Variants in FARSA observed in about 807,000 individuals in gnomAD.
FARSA encodes the protein phenylalanine--tRNA ligase alpha subunit.
A neutral mutation model predicts 63.2 loss-of-function variants in FARSA; 37 were observed. That is an observed-to-expected ratio of 0.59 (90% CI 0.45 to 0.77). The LOEUF (loss-of-function observed/expected upper bound fraction) is 0.77, where lower values mean the gene tolerates loss of function less well. Among genes scored for constraint, FARSA ranks in the 30% least tolerant of loss-of-function variants. FARSA has a pLI of 0.00. For missense variants in FARSA, 618 were observed against 696.6 expected (o/e 0.89, Z 1.27); for synonymous variants, 312 against 285.1 (o/e 1.09, Z -0.95).
At chr19:12,930,407 T>G in intron 3 of FARSA, 22 bp downstream of exon 3, 1 of 1,613,248 alleles carries the variant, frequency 6.2e-7, no homozygotes, top group East Asian at 2.2e-5. Context: ...ACCTGCCCCC[T>G]GACCAGCCCG....
Position 12,922,875 on chromosome 19 carries a change from A to G in FARSA, c.1400T>C (p.Ile467Thr). 6.2e-7 allele frequency: 1 copy of G among 1,614,022 alleles called. No homozygotes were observed. The highest frequency in any genetic ancestry group is 1.1e-5 in the South Asian group (1 of 91,078). ...CCGGATATTGTTGATGCCATATTTG[A>G]TCATCGTTGGGCTTGTGGGGGAGGG... ...WGLSLERPTM[I>T]KYGINNIREL... is the part of the protein sequence containing the mutation. Residue 467 changes from isoleucine (I) to threonine (T), a missense_variant, in exon 13 of 13, where the codon ATC (isoleucine) becomes ACC (threonine). Coordinates refer to ENST00000314606, the MANE Select transcript of FARSA (RefSeq NM_004461.3).
At chr19:12,929,055 A>G (rs951707133) in intron 4 of FARSA, among the ~76,000 whole-genome samples, 1 of 152,160 alleles carries the variant, frequency 6.6e-6, no homozygotes, top group Non-Finnish European at 1.5e-5. Context: ...CTTACTGAGA[A>G]CCTAATGTGT....
rs1446239610 is a variant in FARSA at position 12,927,237 on chromosome 19, C to T, written c.841+1105G>A. Among the ~76,000 whole-genome samples the T allele has an allele frequency of 4.6e-5, 7 of 152,326 alleles. No homozygotes were observed. In the East Asian group the frequency reaches 1.4e-3, roughly 29 times the overall value. On this transcript the variant is annotated intron_variant, in intron 7 of 12. Coordinates refer to ENST00000314606, the MANE Select transcript of FARSA (RefSeq NM_004461.3). ...CCTGCCTTGAAGATCTGGGAGAAAA[C>T]AGCTCTTGGCTAAAGACGGAACATA...
intron 7 of FARSA, 120 bp from the exon 8 acceptor site, chr19:12,925,294 C>A: frequency 1.4e-6 from 1 of 727,782 alleles, no homozygotes; most frequent in South Asian, 1.8e-5. Context: ...GGGCTTACTG[C>A]AACCTCTGCC....
At position 12,928,442 on chromosome 19, in the gene FARSA, C is replaced by A. The variant is rs780265605; in HGVS notation, c.741G>T (p.Pro247=). The A allele has an allele frequency of 3.1e-6, 5 of 1,614,058 alleles. No individual in the cohort carries two copies. The highest frequency in any genetic ancestry group is 3.3e-5 in the Admixed American group (2 of 60,020). The change falls in exon 7 of 13, where the codon CCG becomes CCT. Residue 247 remains proline, a synonymous_variant. Coordinates refer to ENST00000314606, the MANE Select transcript of FARSA (RefSeq NM_004461.3). ...IFLEMGFTEM[P]TDNFIESSFW... is the part of the protein sequence containing the mutation. ...AGGAGCTCTCAATGAAGTTATCAGT[C>A]GGCATCTCGGTGAACCTGGTGGGAG... is the stretch of plus-strand genomic sequence containing the variant.
rs1276631488 is a variant in FARSA at position 12,924,898 on chromosome 19, C to T, written c.1026+6G>A. 2 of 1,614,232 alleles carry T rather than the reference C, an allele frequency of 1.2e-6. No homozygotes were observed. The highest frequency in any genetic ancestry group is 3.3e-5 in the Admixed American group (2 of 60,024). On this transcript the variant is annotated splice_donor_region_variant and intron_variant, in intron 9 of 12. Transcript: ENST00000314606. The surrounding 1 kb of genome is among the most constrained non-coding windows in gnomAD (Gnocchi z 6.4). ...CCACTGGGGCCCCCGCCTGGGCCAA[C>T]CGCACCTTCTGGGCAAGGCGGTAGA...
chr19:12,933,527 C>A, intron 1 of FARSA, 23 bp downstream of exon 1: 1 of 1,537,380 alleles, frequency 6.5e-7, no homozygotes, highest in South Asian at 1.2e-5. Flanking sequence ...GCAAGGCGGT[C>A]CGGCATCACG....
intron 1 of FARSA, among the ~76,000 whole-genome samples, chr19:12,931,947 T>A (rs1971401643): frequency 6.6e-6 from 1 of 152,148 alleles, no homozygotes; most frequent in Non-Finnish European, 1.5e-5. Context: ...AAAGGTGTGA[T>A]GGGTTCTACC....
At chr19:12,933,102 A>AC (rs756780138) in intron 1 of FARSA, 122 of 172,742 alleles carry the variant, frequency 7.1e-4, no homozygotes, top group Non-Finnish European at 1.4e-3. Context: ...GCCATCCCCC[A>AC]AGATCCCGGC....
chr19:12,926,800 C>G (rs1971332558), intron 7 of FARSA, among the ~76,000 whole-genome samples: 2 of 152,256 alleles, frequency 1.3e-5, no homozygotes. Flanking sequence ...ATCCTCCTCC[C>G]TTGCCCTCCC....
intron 7 of FARSA, among the ~76,000 whole-genome samples, chr19:12,927,468 C>T (rs755688522): frequency 3.1e-4 from 47 of 152,122 alleles, no homozygotes; most frequent in Non-Finnish European, 6.6e-4. Flanking sequence ...GCGTGGTGCT[C>T]ACGCCTGTAA....
In FARSA at chr19:12,924,910, G is replaced by A. The variant is rs1434045529; in HGVS notation, c.1020C>T (p.Ala340=). Residue 340 remains alanine, a synonymous_variant, in exon 9 of 13, where the codon GCC becomes GCT. Transcript: ENST00000314606. This position sits in a 1 kb window ranked among gnomAD's most constrained non-coding sequence, Gnocchi z 6.4. Reference sequence around the variant, plus strand: ...CCGCCTGGGCCAACCGCACCTTCTGGGCAAGGCGGTAGAGCGCACGGGCGC... The same window carrying A: ...CCGCCTGGGCCAACCGCACCTTCTGAGCAAGGCGGTAGAGCGCACGGGCGC... The part of the protein sequence containing the change: ...SASARALYRL[A]QKKPFTPVKY... 20 of 1,614,130 alleles carry A rather than the reference G, an allele frequency of 1.2e-5. No individual in the cohort carries two copies. Among genetic ancestry groups the A allele is most frequent in the Admixed American group, 3.3e-5 (2 of 60,010 alleles).
rs539002947 is a variant in FARSA, at chr19:12,923,451, G to GC, written c.1389-566dup. ...CCTAGGACTAGGACTACAGACGCAC[G>GC]CAACAGTGCCTGGCTAATTTTTGTA... On this transcript the variant is annotated intron_variant, in intron 12 of 12. Transcript: ENST00000314606. Among the ~76,000 whole-genome samples, 31 of 152,116 alleles carry GC rather than the reference G, an allele frequency of 2.0e-4. 1 individual carries two copies. The East Asian group carries it at 4.8e-3, about 24-fold the overall frequency.
At chr19:12,925,386 C>A (rs1252780057) in intron 7 of FARSA, among the ~76,000 whole-genome samples, 1 of 151,776 alleles carries the variant, frequency 6.6e-6, no homozygotes, top group Non-Finnish European at 1.5e-5. Context: ...GAGACAGAGT[C>A]TTGTTCAGTT....
At position 12,925,073 on chromosome 19, in the gene FARSA, G is replaced by T. The variant is rs1971310606; in HGVS notation, c.926+17C>A. ...CCCAGCCTCCTTCCCTTCCATACCA[G>T]GTAAGTCCTGCCTCACCCCTGTGAG... On this transcript the variant is annotated intron_variant, in intron 8 of 12. Coordinates refer to ENST00000314606, the MANE Select transcript of FARSA (RefSeq NM_004461.3). 1 of 1,612,320 alleles carries T rather than the reference G, an allele frequency of 6.2e-7. No homozygotes were observed. Among genetic ancestry groups the T allele is most frequent in the South Asian group, 1.1e-5 (1 of 91,022 alleles).
rs908655552 is a variant in FARSA at position 12,930,289 on chromosome 19, C to G, written c.437G>C (p.Gly146Ala). 1 of 1,612,790 alleles carries G rather than the reference C, an allele frequency of 6.2e-7. No homozygotes were observed. The highest frequency in any genetic ancestry group is 8.5e-7 in the Non-Finnish European group (1 of 1,179,462). Residue 146 changes from glycine to alanine, a missense_variant, in exon 4 of 13, where the codon GGA becomes GCA. Gly to Ala is a moderately conservative substitution (Grantham distance 60). Coordinates refer to ENST00000314606, the MANE Select transcript of FARSA (RefSeq NM_004461.3). ...VQRRLQLVRG[G>A]QAEKLGEKER... is the part of the protein sequence containing the mutation. ...CTTCTCCCCCAGCTTCTCAGCCTGT[C>G]CCCCCCGGACCAGCTGGAGCCGCCG... is the stretch of plus-strand genomic sequence containing the variant.
chr19:12,928,120 T>C (rs1971348266), intron 7 of FARSA, among the ~76,000 whole-genome samples: 1 of 152,034 alleles, frequency 6.6e-6, no homozygotes. Context: ...ACTCAATTAA[T>C]TTTTTTAGAG....
chr19:12,933,302 GA>G (rs33919090), intron 1 of FARSA: 323,542 of 478,026 alleles, frequency 0.68, 111,334 homozygotes, highest in East Asian at 0.86. Flanking sequence ...CAGCAACCGC[GA>G]CTTCCTCGTC....
chr19:12,926,845 G>A (rs191266485), intron 7 of FARSA, among the ~76,000 whole-genome samples: 9 of 152,342 alleles, frequency 5.9e-5, no homozygotes, highest in African/African-American at 2.2e-4. Context: ...GGCTGGCCAA[G>A]TTTCCTTCTT....
Sources: allele counts gnomAD v4.1 joint callset (sites outside exome capture counted in the v4.1 genomes callset), GRCh38; gene constraint gnomAD v4.1.1; non-coding constraint Gnocchi (gnomAD v3.1); transcripts MANE v1.5; gene names NCBI Gene and HGNC (gene_info 2026-07-23, HGNC 2026-07-21).